LIMA1: variants seen among roughly 807,000 people sequenced by gnomAD.
LIMA1 encodes the protein LIM domain and actin-binding protein 1.
A neutral mutation model predicts 62.6 loss-of-function variants in LIMA1; 52 were observed. The observed-to-expected ratio is 0.83, with a 90% confidence interval of 0.67 to 1.05. The LOEUF (loss-of-function observed/expected upper bound fraction) is 1.05, where lower values mean the gene tolerates loss of function less well. Among genes scored for constraint, LIMA1 ranks in the 50% least tolerant of loss-of-function variants. The probability of loss-of-function intolerance (pLI) is 0.00; values close to 1 mark genes in which losing one functional copy is unlikely to be tolerated. For missense variants in LIMA1, 780 were observed against 902.2 expected (o/e 0.86, Z 1.74); for synonymous variants, 302 against 317.8 (o/e 0.95, Z 0.53).
intron 2 of LIMA1, among the ~76,000 whole-genome samples, chr12:50,235,264 A>C (rs1361149509): frequency 1.3e-5 from 2 of 148,774 alleles, no homozygotes; most frequent in Non-Finnish European, 3.0e-5. Context: ...GGGTCTTCCA[A>C]TCCTATCACT....
chr12:50,269,685 C>T (rs974336549), intron 1 of LIMA1, among the ~76,000 whole-genome samples: 1 of 151,702 alleles, frequency 6.6e-6, no homozygotes, highest in African/African-American at 2.4e-5. Context: ...TTTGGGAGGC[C>T]GAGGCGGGAG....
rs777757277 is a variant in LIMA1 at position 50,248,710 on chromosome 12, T to C, written c.42A>G (p.Leu14=). The C allele has an allele frequency of 3.7e-6, 6 of 1,611,694 alleles. No homozygotes were observed. The highest frequency in any genetic ancestry group is 3.3e-5 in the Admixed American group (2 of 59,990). ...SPFNRRQWTS[L]SLRVTAKELS... is the part of the protein sequence containing the mutation. The stretch of plus-strand genomic sequence containing the variant: ...GTTCTTTGGCTGTTACCCTCAATGA[T>C]AGTGAGGTCCATTGCCGTCTATTAA... Residue 14 remains leucine (L), a synonymous_variant, in exon 2 of 11, where the codon CTA becomes CTG. Transcript: ENST00000341247.
At position 50,200,849 on chromosome 12, in the gene LIMA1, A is replaced by T; in HGVS notation, c.900T>A (p.Ile300=). 6.2e-7 allele frequency: 1 copy of T among 1,614,142 alleles called. No individual in the cohort carries two copies. The highest frequency in any genetic ancestry group is 1.1e-5 in the South Asian group (1 of 91,080). The part of the protein sequence containing the change: ...ELKASGGEIK[I]HKMEQKENVP... The stretch of plus-strand genomic sequence containing the variant: ...CATTCTCCTTTTGCTCCATTTTATG[A>T]ATTTTGATTTCGCCACCACTGGCTT... Residue 300 remains isoleucine (I), a synonymous_variant, in exon 7 of 11, where the codon ATT becomes ATA. Transcript: ENST00000341247.
chr12:50,236,276 T>C (rs1941691962), intron 2 of LIMA1, among the ~76,000 whole-genome samples: 1 of 150,842 alleles, frequency 6.6e-6, no homozygotes, highest in African/African-American at 2.4e-5. Flanking sequence ...ATTTTACCTA[T>C]TAAGTAGGAA....
At chr12:50,272,406 A>G (rs1177137636) in intron 1 of LIMA1, among the ~76,000 whole-genome samples, 1 of 151,580 alleles carries the variant, frequency 6.6e-6, no homozygotes, top group Non-Finnish European at 1.5e-5. Flanking sequence ...CCTGACCAAC[A>G]TGGAGAAACG....
intron 1 of LIMA1, among the ~76,000 whole-genome samples, chr12:50,252,915 G>A (rs1411569399): frequency 3.3e-5 from 5 of 151,980 alleles, no homozygotes; most frequent in Non-Finnish European, 7.4e-5. Context: ...TTGCTAAGAG[G>A]GAAAAAGACT....
intron 1 of LIMA1, among the ~76,000 whole-genome samples, chr12:50,251,435 A>G (rs1419088760): frequency 6.6e-6 from 1 of 152,108 alleles, no homozygotes; most frequent in Non-Finnish European, 1.5e-5. Flanking sequence ...AGCCTGACCA[A>G]CATGGTGAAA....
At chr12:50,206,261 A>G (rs770440800) in intron 4 of LIMA1, among the ~76,000 whole-genome samples, 193 bp from the exon 5 acceptor site, 16 of 152,184 alleles carry the variant, frequency 1.1e-4, no homozygotes, top group Non-Finnish European at 1.6e-4. Flanking sequence ...AAGTAACCCT[A>G]TATAGGTAAT....
At position 50,190,865 on chromosome 12, in the gene LIMA1, C is replaced by T. The variant is rs551314588; in HGVS notation, c.1140+1587G>A. On this transcript the variant is annotated intron_variant, in intron 9 of 10. Coordinates refer to ENST00000341247, the MANE Select transcript of LIMA1 (RefSeq NM_016357.5). ...GTGTTTGGTGGCTCATACCTGTAATCCCAGCATTTTGGGAGGCCAAGGTGG... is the reference window on the plus strand; with the variant it reads ...GTGTTTGGTGGCTCATACCTGTAATTCCAGCATTTTGGGAGGCCAAGGTGG... Among the ~76,000 whole-genome samples the T allele has an allele frequency of 6.7e-5, 10 of 150,078 alleles. No individual in the cohort carries two copies. The East Asian group carries it at 1.4e-3, about 21-fold the overall frequency.
rs374529313 is a variant in LIMA1 at position 50,177,631 on chromosome 12, G to A, written c.1713C>T (p.Val571=). 8.1e-6 allele frequency: 13 copies of A among 1,608,548 alleles called. No individual in the cohort carries two copies. Among genetic ancestry groups the A allele is most frequent in the Non-Finnish European group, 9.3e-6 (11 of 1,177,574 alleles). ...GTCTTAGCTTCTTCAGATCTAGATCGACATCCTCAGGAACTTCGGGCTTGC... is the reference window on the plus strand; with the variant it reads ...GTCTTAGCTTCTTCAGATCTAGATCAACATCCTCAGGAACTTCGGGCTTGC... ...EISKPEVPED[V]DLDLKKLRRS... is the part of the protein sequence containing the mutation. Residue 571 remains valine, a synonymous_variant, in exon 11 of 11, where the codon GTC becomes GTT. Transcript: ENST00000341247.
At chr12:50,261,810 G>A (rs1339355775) in intron 1 of LIMA1, among the ~76,000 whole-genome samples, 1 of 152,116 alleles carries the variant, frequency 6.6e-6, no homozygotes, top group Non-Finnish European at 1.5e-5. Context: ...GGGATTACAG[G>A]TGTGAGTCAC....
At chr12:50,182,135 G>GA in intron 9 of LIMA1, 98 bp from the exon 10 acceptor site, 1 of 1,360,072 alleles carries the variant, frequency 7.4e-7, no homozygotes, top group African/African-American at 1.4e-5. Flanking sequence ...GGCTCCCTTA[G>GA]CTGGTCAGTC....
chr12:50,267,684 G>T (rs993545784), intron 1 of LIMA1, among the ~76,000 whole-genome samples: 12 of 150,532 alleles, frequency 8.0e-5, no homozygotes, highest in Non-Finnish European at 4.4e-5. Context: ...CACACCCAGT[G>T]AATTTTTGTA....
intron 8 of LIMA1, among the ~76,000 whole-genome samples, chr12:50,193,578 T>TACACATATATATC: frequency 1.5e-5 from 2 of 134,936 alleles, no homozygotes; most frequent in African/African-American, 5.8e-5. Context: ...ATGATATATA[T>TACACATATATATC]ATACATGTAT....
intron 4 of LIMA1, among the ~76,000 whole-genome samples, chr12:50,208,019 A>G (rs1941185367): frequency 6.6e-6 from 1 of 152,152 alleles, no homozygotes; most frequent in Admixed American, 6.6e-5. Flanking sequence ...CCACACCAGT[A>G]AGAATAGTTT....
intron 8 of LIMA1, among the ~76,000 whole-genome samples, chr12:50,193,507 G>A (rs1480974341): frequency 1.7e-5 from 2 of 119,374 alleles, no homozygotes; most frequent in Admixed American, 9.6e-5. Flanking sequence ...TCATATATGT[G>A]TATATATGAT....
chr12:50,221,342 AT>A (rs1941436252), intron 4 of LIMA1, among the ~76,000 whole-genome samples: 1 of 152,178 alleles, frequency 6.6e-6, no homozygotes, highest in South Asian at 2.1e-4. Flanking sequence ...AATCACCAGC[AT>A]ATGTAACTCA....
In LIMA1 at chr12:50,279,588, G is replaced by A. The variant is rs373359174; in HGVS notation, c.-24+3832C>T. Among the ~76,000 whole-genome samples the A allele has an allele frequency of 1.1e-4, 16 of 152,142 alleles. No individual in the cohort carries two copies. In the East Asian group the frequency reaches 1.2e-3, roughly 11 times the overall value. On this transcript the variant is annotated intron_variant, in intron 1 of 10. Transcript: ENST00000341247. ...CCGGCATTTAAGGGGCAAAAAGACT[G>A]AGTTAATGGATCATGGGAGTAAGTG...
chr12:50,269,314 A>G (rs925144957), intron 1 of LIMA1, among the ~76,000 whole-genome samples: 3 of 152,226 alleles, frequency 2.0e-5, no homozygotes, highest in Non-Finnish European at 4.4e-5. Flanking sequence ...GTATTATTGA[A>G]TAATATTCAG....
Sources: gnomAD v4.1 joint callset for allele counts (sites outside exome capture counted in the v4.1 genomes callset) on GRCh38, gnomAD v4.1.1 for gene constraint, MANE v1.5 for transcripts, NCBI Gene and HGNC (gene_info 2026-07-23, HGNC 2026-07-21) for gene names.